Variants in GSK3B observed in about 807,000 individuals in gnomAD.
The protein encoded by GSK3B is glycogen synthase kinase 3 beta, also known as glycogen synthase kinase-3 beta.
A neutral mutation model predicts 56.4 loss-of-function variants in GSK3B; 15 were observed. The observed-to-expected ratio is 0.27, with a 90% CI of 0.18 to 0.41. The LOEUF is 0.41. GSK3B is among the 10% of genes least tolerant of loss of function. The pLI is 1.00. For synonymous variants in GSK3B, 181 were observed against 188.9 expected (o/e 0.96, Z 0.34); for missense variants, 300 against 513.4 (o/e 0.58, Z 4.02).
At chr3:119,855,993 T>C (rs920724882) in intron 9 of GSK3B, among the ~76,000 whole-genome samples, 15 of 152,338 alleles carry the variant, frequency 9.8e-5, no homozygotes, top group Admixed American at 9.1e-4. Flanking sequence ...TGCTAATATT[T>C]TGATTCTGGG....
chr3:119,851,774 C>T (rs2055933846), intron 9 of GSK3B, among the ~76,000 whole-genome samples: 1 of 152,160 alleles, frequency 6.6e-6, no homozygotes. Context: ...CCTCTTATTA[C>T]ATATAATAAT....
chr3:119,850,682 C>T (rs1224985467), intron 9 of GSK3B, among the ~76,000 whole-genome samples: 1 of 151,854 alleles, frequency 6.6e-6, no homozygotes, highest in Non-Finnish European at 1.5e-5. Context: ...ATATAAACTG[C>T]AGTGAAAGAA....
chr3:119,941,648 A>G (rs1198676275), intron 3 of GSK3B, among the ~76,000 whole-genome samples: 1 of 152,242 alleles, frequency 6.6e-6, no homozygotes, highest in African/African-American at 2.4e-5. Context: ...ACATATAAAA[A>G]GCGCAATATA....
intron 3 of GSK3B, among the ~76,000 whole-genome samples, chr3:119,935,159 A>C (rs1360391738): frequency 6.6e-6 from 1 of 152,146 alleles, no homozygotes; most frequent in Non-Finnish European, 1.5e-5. Flanking sequence ...CTCCATTGAA[A>C]ATGTTAGCAT....
At chr3:119,866,533 C>A (rs2056184851) in intron 8 of GSK3B, 2 of 1,013,904 alleles carry the variant, frequency 2.0e-6, no homozygotes, top group Admixed American at 1.8e-5. Context: ...AAGAAGATTT[C>A]CCCCAAGTTT....
At chr3:119,881,241 T>C (rs2056375293) in intron 7 of GSK3B, among the ~76,000 whole-genome samples, 1 of 151,980 alleles carries the variant, frequency 6.6e-6, no homozygotes, top group Admixed American at 6.6e-5. Flanking sequence ...AAGTTCAAAA[T>C]CAGACAACAC....
chr3:119,971,902 C>T (rs974544471), intron 2 of GSK3B, among the ~76,000 whole-genome samples: 2 of 152,050 alleles, frequency 1.3e-5, no homozygotes, highest in Admixed American at 6.6e-5. Context: ...TGAGCCACCG[C>T]GCCCGGCCTG....
chr3:120,029,441 G>A (rs936419637), intron 1 of GSK3B: 2 of 718,044 alleles, frequency 2.8e-6, no homozygotes, highest in African/African-American at 3.5e-5. Context: ...TTCGCCTCCA[G>A]CACAGTGAAC....
chr3:119,858,708 A>C (rs1046544915), intron 9 of GSK3B, among the ~76,000 whole-genome samples: 11 of 152,194 alleles, frequency 7.2e-5, no homozygotes, highest in African/African-American at 2.7e-4. Flanking sequence ...CTTTTGGCCT[A>C]TCTCAGCTGT....
At chr3:119,952,651 A>G (rs2057169691) in intron 2 of GSK3B, among the ~76,000 whole-genome samples, 1 of 151,922 alleles carries the variant, frequency 6.6e-6, no homozygotes, top group Non-Finnish European at 1.5e-5. Flanking sequence ...CTCATCACAT[A>G]CATGGGAAAA....
At chr3:119,864,277 G>T (rs963848237) in intron 8 of GSK3B, among the ~76,000 whole-genome samples, 1 of 151,938 alleles carries the variant, frequency 6.6e-6, no homozygotes, top group African/African-American at 2.4e-5. Flanking sequence ...TATTCATTAA[G>T]AATGATTAAG....
At chr3:119,975,087 C>G (rs940635806) in intron 2 of GSK3B, among the ~76,000 whole-genome samples, 2 of 152,126 alleles carry the variant, frequency 1.3e-5, no homozygotes, top group Non-Finnish European at 2.9e-5. Context: ...AGATGTCCCG[C>G]AACAGGTAAA....
chr3:119,908,048 C>G (rs922434014), intron 6 of GSK3B, among the ~76,000 whole-genome samples: 2 of 152,166 alleles, frequency 1.3e-5, no homozygotes, highest in Admixed American at 6.5e-5. Flanking sequence ...TCTTTCATTT[C>G]AAACATTACT....
intron 1 of GSK3B, among the ~76,000 whole-genome samples, chr3:120,050,271 C>A (rs1390346771): frequency 6.6e-6 from 1 of 152,204 alleles, no homozygotes; most frequent in East Asian, 1.9e-4. Context: ...CAAAACATCT[C>A]CCACCAGGCC....
chr3:119,928,597 T>A (rs2107471280), intron 3 of GSK3B, among the ~76,000 whole-genome samples: 1 of 101,328 alleles, frequency 9.9e-6, no homozygotes, highest in African/African-American at 4.3e-5. Context: ...AGAGCGAGAC[T>A]CCATATCAAA....
intron 3 of GSK3B, among the ~76,000 whole-genome samples, chr3:119,940,110 TTGTGTG>T (rs56939160): frequency 1.1e-3 from 168 of 149,008 alleles, no homozygotes; most frequent in African/African-American, 3.6e-3. Context: ...GTGTGTGTGT[TTGTGTG>T]TGTGTGTGTG....
intron 3 of GSK3B, among the ~76,000 whole-genome samples, chr3:119,942,148 G>A (rs79709294): frequency 0.018 from 2,753 of 152,122 alleles, 92 homozygotes; most frequent in African/African-American, 0.063. Context: ...GAAGGCAGAG[G>A]TTTTTCGCTT....
At position 119,826,449 on chromosome 3, in the gene GSK3B, G is replaced by C. The variant is rs868705055; in HGVS notation, c.*339C>G. ...TTCTTCTTTTGTGGAAGGGGCATGA[G>C]GCAGGAGTCCTGTTTTTAAAGTATA... On this transcript the variant is annotated 3_prime_UTR_variant, in exon 11 of 11. Transcript: ENST00000264235. 1 of 461,970 alleles carries C rather than the reference G, an allele frequency of 2.2e-6. No homozygotes were observed. The highest frequency in any genetic ancestry group is 1.9e-5 in the African/African-American group (1 of 51,580). 28.6% of individuals were successfully genotyped at this position (461,970 alleles called of 1,614,324 possible). A position where few individuals can be genotyped will look rare whatever the true frequency, so the allele number is the denominator to read the frequency against.
At chr3:119,876,934 C>T (rs1172779000) in intron 7 of GSK3B, among the ~76,000 whole-genome samples, 1 of 152,154 alleles carries the variant, frequency 6.6e-6, no homozygotes, top group Non-Finnish European at 1.5e-5. Context: ...TTGGACTTTC[C>T]AGTCTCTAGA....
Sources: gnomAD v4.1 joint callset for allele counts (sites outside exome capture counted in the v4.1 genomes callset) on GRCh38, gnomAD v4.1.1 for gene constraint, MANE v1.5 for transcripts, NCBI Gene and HGNC (gene_info 2026-07-23, HGNC 2026-07-21) for gene names.